Variants in MARCKS observed in about 807,000 individuals in gnomAD.
MARCKS encodes myristoylated alanine rich protein kinase C substrate, also known as myristoylated alanine-rich C-kinase substrate.
A neutral mutation model predicts 6.3 loss-of-function variants in MARCKS; 4 were observed. The ratio of observed to expected loss-of-function variants is 0.63; its 90% confidence interval spans 0.31 to 1.45. The LOEUF is 1.45. MARCKS is among the 40% of genes most tolerant of loss of function. MARCKS has a pLI of 0.07. For missense variants in MARCKS, 636 were observed against 485.7 expected (o/e 1.31, Z -2.91); for synonymous variants, 289 against 236.5 (o/e 1.22, Z -2.04).
chr6:113,859,586 C>T, intron 1 of MARCKS, 97 bp from the exon 2 acceptor site: 1 of 1,141,846 alleles, frequency 8.8e-7, no homozygotes, highest in Non-Finnish European at 1.2e-6. Context: ...CCACAGGGGC[C>T]TTAGGGGGAA....
chr6:113,859,756 A>G lies in MARCKS; in HGVS notation c.176A>G (p.Gln59Arg). 2.7e-6 allele frequency: 4 copies of G among 1,487,074 alleles called. No homozygotes were observed. The Admixed American group carries it at 9.6e-5, about 36-fold the overall frequency. 92.1% of individuals were successfully genotyped at this position (1,487,074 alleles called of 1,614,324 possible). Residue 59 changes from glutamine to arginine, a missense_variant, in exon 2 of 2, where the codon CAG (glutamine) becomes CGG (arginine). Physicochemically the swap from Gln to Arg is conservative, Grantham distance 43. Coordinates refer to ENST00000612661, the MANE Select transcript of MARCKS (RefSeq NM_002356.7). ...AAESGAKEELQANGSAPAADK... is the reference protein window; with the variant it reads ...AAESGAKEELRANGSAPAADK... ...GAGTCGGGCGCCAAGGAGGAGCTGC[A>G]GGCCAACGGCAGCGCCCCGGCCGCC...
Position 113,860,259 on chromosome 6 carries a change from G to A in MARCKS, c.679G>A (p.Glu227Lys). ...APGEEAAAGE[E>K]GAAGGDPQEA... Reference sequence around the variant, plus strand: ...GGGCGAGGAGGCGGCAGCGGGCGAGGAGGGGGCGGCGGGTGGCGACCCGCA... The same window carrying A: ...GGGCGAGGAGGCGGCAGCGGGCGAGAAGGGGGCGGCGGGTGGCGACCCGCA... Residue 227 changes from glutamate to lysine, a missense_variant, in exon 2 of 2, where the codon GAG becomes AAG. Coordinates refer to ENST00000612661, the MANE Select transcript of MARCKS (RefSeq NM_002356.7). 7.1e-6 allele frequency: 8 copies of A among 1,133,942 alleles called. No individual in the cohort carries two copies. The highest frequency in any genetic ancestry group is 6.8e-5 in the East Asian group (1 of 14,740). The allele number at this position is 1,133,942 out of a possible 1,614,324, so 70.2% of individuals were successfully genotyped here.
chr6:113,859,619 C>T, intron 1 of MARCKS, 64 bp from the exon 2 acceptor site: 2 of 1,376,894 alleles, frequency 1.5e-6, no homozygotes, highest in South Asian at 3.0e-5. Flanking sequence ...CGGTCCAGGG[C>T]TGGGGGCGGG....
At position 113,860,519 on chromosome 6, in the gene MARCKS, CT is replaced by C; in HGVS notation, c.940del (p.Ser314HisfsTer55). On this transcript the variant is annotated frameshift_variant, in exon 2 of 2. Coordinates refer to ENST00000612661, the MANE Select transcript of MARCKS (RefSeq NM_002356.7). LOFTEE classifies it high-confidence loss of function. ...AAASSACAAP[S>X]QEAQPECSPE... ...CAGCCTCGTCAGCCTGCGCAGCCCCCTCACAGGAGGCCCAGCCCGAGTGCAG... is the reference window on the plus strand; with the variant it reads ...CAGCCTCGTCAGCCTGCGCAGCCCCCCACAGGAGGCCCAGCCCGAGTGCAG... 1 of 1,551,970 alleles carries C rather than the reference CT, an allele frequency of 6.4e-7. No individual in the cohort carries two copies.
Position 113,860,112 on chromosome 6 carries a change from G to T in MARCKS, c.532G>T (p.Ala178Ser). ...CTCCTTCAAGAAGAACAAGAAGGAG[G>T]CTGGAGAAGGCGGTGAGGCTGAGGC... Reference protein sequence around the residue: ...GFSFKKNKKEAGEGGEAEAPA... With the variant: ...GFSFKKNKKESGEGGEAEAPA... Residue 178 changes from alanine (A) to serine (S), a missense_variant, in exon 2 of 2, where the codon GCT becomes TCT. Ala to Ser is a moderately conservative substitution (Grantham distance 99, BLOSUM62 1). Transcript: ENST00000612661. The T allele has an allele frequency of 1.3e-6, 2 of 1,552,722 alleles. No homozygotes were observed. Among genetic ancestry groups the T allele is most frequent in the South Asian group, 2.3e-5 (2 of 87,342 alleles).
At chr6:113,859,045 G>A (rs1244288745) in intron 1 of MARCKS, among the ~76,000 whole-genome samples, 1 of 152,020 alleles carries the variant, frequency 6.6e-6, no homozygotes, top group East Asian at 1.9e-4. Context: ...AGGGCGGGGT[G>A]GCCCGGCGAC....
chr6:113,860,452 C>A lies in MARCKS; in HGVS notation c.872C>A (p.Pro291Gln). The change falls in exon 2 of 2, where the codon CCG (proline) becomes CAG (glutamine). Residue 291 changes from proline (P) to glutamine (Q), a missense_variant. By Grantham distance (76) the Pro-to-Gln change is moderately conservative. Coordinates refer to ENST00000612661, the MANE Select transcript of MARCKS (RefSeq NM_002356.7). ...APSAAGPGAP[P>Q]EQEAAPAEEP... ...TCCGCCGCCGGGCCCGGCGCGCCCC[C>A]GGAGCAGGAGGCAGCCCCCGCGGAG... 7.8e-7 allele frequency: 1 copy of A among 1,287,534 alleles called. No individual in the cohort carries two copies. Among genetic ancestry groups the A allele is most frequent in the Non-Finnish European group, 1.0e-6 (1 of 1,004,262 alleles). The allele number at this position is 1,287,534 out of a possible 1,614,324, so 79.8% of individuals were successfully genotyped here.
chr6:113,863,285 C>T lies in MARCKS; in HGVS notation c.*2706C>T, dbSNP rs1014750498. 6.6e-6 allele frequency: 1 copy of T among 151,990 alleles called. No homozygotes were observed. The highest frequency in any genetic ancestry group is 1.5e-5 in the Non-Finnish European group (1 of 67,972). 9.4% of individuals were successfully genotyped at this position (151,990 alleles called of 1,614,324 possible). A position where few individuals can be genotyped will look rare whatever the true frequency, so the allele number is the denominator to read the frequency against. On this transcript the variant is annotated 3_prime_UTR_variant, in exon 2 of 2. Coordinates refer to ENST00000612661, the MANE Select transcript of MARCKS (RefSeq NM_002356.7). ...ATGTTAATATGGCTTTTTTGTATTA[C>T]TAAAAATAGCTTTGAGATTAAGGAA...
chr6:113,860,235 G>A lies in MARCKS; in HGVS notation c.655G>A (p.Gly219Ser). 2 of 1,076,586 alleles carry A rather than the reference G, an allele frequency of 1.9e-6. No individual in the cohort carries two copies. Among genetic ancestry groups the A allele is most frequent in the Non-Finnish European group, 1.1e-6 (1 of 884,578 alleles). 66.7% of individuals were successfully genotyped at this position (1,076,586 alleles called of 1,614,324 possible). Reference protein sequence around the residue: ...AASGEQAAAPGEEAAAGEEGA... With the variant: ...AASGEQAAAPSEEAAAGEEGA... ...CTCCGGGGAGCAGGCAGCGGCGCCG[G>A]GCGAGGAGGCGGCAGCGGGCGAGGA... Residue 219 changes from glycine to serine, a missense_variant, in exon 2 of 2, where the codon GGC becomes AGC. Physicochemically the swap from Gly to Ser is moderately conservative, Grantham distance 56. Transcript: ENST00000612661.
Position 113,860,467 on chromosome 6 carries a change from C to A in MARCKS, c.887C>A (p.Ala296Asp). 1.4e-6 allele frequency: 2 copies of A among 1,409,798 alleles called. No homozygotes were observed. Among genetic ancestry groups the A allele is most frequent in the Non-Finnish European group, 1.9e-6 (2 of 1,071,822 alleles). The allele number at this position is 1,409,798 out of a possible 1,614,324, so 87.3% of individuals were successfully genotyped here. The change falls in exon 2 of 2, where the codon GCC (alanine) becomes GAC (aspartate). Residue 296 changes from alanine (A) to aspartate (D), a missense_variant. Physicochemically the swap from Ala to Asp is moderately radical, Grantham distance 126 (BLOSUM62 -2). Coordinates refer to ENST00000612661, the MANE Select transcript of MARCKS (RefSeq NM_002356.7). The stretch of plus-strand genomic sequence containing the variant: ...GGCGCGCCCCCGGAGCAGGAGGCAG[C>A]CCCCGCGGAGGAGCCCGCGGCCGCC... ...GPGAPPEQEA[A>D]PAEEPAAAAA...
Position 113,860,844 on chromosome 6 carries a change from TTC to T in MARCKS, c.*269_*270del, listed in dbSNP as rs1304686050. The T allele has an allele frequency of 4.2e-6, 1 of 238,216 alleles. No individual in the cohort carries two copies. Among genetic ancestry groups the T allele is most frequent in the Admixed American group, 5.7e-5 (1 of 17,624 alleles). The allele number at this position is 238,216 out of a possible 1,614,324, so 14.8% of individuals were successfully genotyped here. On this transcript the variant is annotated 3_prime_UTR_variant, in exon 2 of 2. Coordinates refer to ENST00000612661, the MANE Select transcript of MARCKS (RefSeq NM_002356.7). ...TAAACACCTTCTTCCTCTGCCTTGT[TTC>T]TCTTTTATTTTTTATTTTTTCGCAT... is the stretch of plus-strand genomic sequence containing the variant.
rs1774801997 is a variant in MARCKS, at chr6:113,857,435, T to A, written c.-311T>A. ...TACAGTGCGGCTACAAATCTGGGAT[T>A]TTTTTATTACTTCTTTTTTTTTCGA... On this transcript the variant is annotated 5_prime_UTR_variant, in exon 1 of 2. Transcript: ENST00000612661. 3.2e-6 allele frequency: 1 copy of A among 317,332 alleles called. No individual in the cohort carries two copies. The highest frequency in any genetic ancestry group is 2.3e-5 in the African/African-American group (1 of 44,032). 19.7% of individuals were successfully genotyped at this position (317,332 alleles called of 1,614,324 possible).
In MARCKS at chr6:113,860,738, G is replaced by GTT. The variant is rs45449896; in HGVS notation, c.*170_*171dup. On this transcript the variant is annotated 3_prime_UTR_variant, in exon 2 of 2. Coordinates refer to ENST00000612661, the MANE Select transcript of MARCKS (RefSeq NM_002356.7). The stretch of plus-strand genomic sequence containing the variant: ...TTTTTTTTAAGCACCAAATTTTGTT[G>GTT]TTTTTTTTTTTTCTCCCCTCCCCAC... The GTT allele has an allele frequency of 4.5e-4, 151 of 335,968 alleles. No individual in the cohort carries two copies. Among genetic ancestry groups the GTT allele is most frequent in the South Asian group, 1.3e-3 (21 of 16,244 alleles). 20.8% of individuals were successfully genotyped at this position (335,968 alleles called of 1,614,324 possible). A position where few individuals can be genotyped will look rare whatever the true frequency, so the allele number is the denominator to read the frequency against.
At position 113,860,313 on chromosome 6, in the gene MARCKS, G is replaced by C; in HGVS notation, c.733G>C (p.Ala245Pro). 3 of 1,294,800 alleles carry C rather than the reference G, an allele frequency of 2.3e-6. No individual in the cohort carries two copies. Among genetic ancestry groups the C allele is most frequent in the East Asian group, 5.6e-5 (1 of 17,970 alleles). 80.2% of individuals were successfully genotyped at this position (1,294,800 alleles called of 1,614,324 possible). A position where few individuals can be genotyped will look rare whatever the true frequency, so the allele number is the denominator to read the frequency against. The change falls in exon 2 of 2, where the codon GCG becomes CCG. Residue 245 changes from alanine to proline, a missense_variant. Ala to Pro is a conservative substitution (Grantham distance 27, BLOSUM62 -1). Coordinates refer to ENST00000612661, the MANE Select transcript of MARCKS (RefSeq NM_002356.7). ...GGCCAAGCCCCAGGAGGCCGCTGTC[G>C]CGCCAGAGAAGCCGCCCGCCAGCGA... ...QEAKPQEAAVAPEKPPASDET... is the reference protein window; with the variant it reads ...QEAKPQEAAVPPEKPPASDET...
At position 113,859,695 on chromosome 6, in the gene MARCKS, G is replaced by A; in HGVS notation, c.115G>A (p.Val39Met). 1.3e-6 allele frequency: 2 copies of A among 1,504,994 alleles called. No homozygotes were observed. Among genetic ancestry groups the A allele is most frequent in the Non-Finnish European group, 1.8e-6 (2 of 1,127,586 alleles). 93.2% of individuals were successfully genotyped at this position (1,504,994 alleles called of 1,614,324 possible). A position where few individuals can be genotyped will look rare whatever the true frequency, so the allele number is the denominator to read the frequency against. ...SKANGQENGH[V>M]KVNGDASPAA... ...CTCTGCCCCTTAGGAGAATGGCCAC[G>A]TGAAGGTAAACGGCGACGCTTCGCC... is the stretch of plus-strand genomic sequence containing the variant. Residue 39 changes from valine to methionine, a missense_variant, in exon 2 of 2, where the codon GTG (valine) becomes ATG (methionine). By Grantham distance (21) the Val-to-Met change is conservative. Transcript: ENST00000612661.
rs571431418 is a variant in MARCKS, at chr6:113,863,447, A to G, written c.*2868A>G. On this transcript the variant is annotated 3_prime_UTR_variant, in exon 2 of 2. Coordinates refer to ENST00000612661, the MANE Select transcript of MARCKS (RefSeq NM_002356.7). ...TTGATCCAATTCCTATTGCTTGTAAAATAAAGTTTTACCAGTTGATATAAT... is the reference window on the plus strand; with the variant it reads ...TTGATCCAATTCCTATTGCTTGTAAGATAAAGTTTTACCAGTTGATATAAT... The G allele has an allele frequency of 1.3e-5, 2 of 152,286 alleles. No homozygotes were observed. Among genetic ancestry groups the G allele is most frequent in the Admixed American group, 1.3e-4 (2 of 15,300 alleles). 9.4% of individuals were successfully genotyped at this position (152,286 alleles called of 1,614,324 possible). A position where few individuals can be genotyped will look rare whatever the true frequency, so the allele number is the denominator to read the frequency against.
chr6:113,860,261 G>A lies in MARCKS; in HGVS notation c.681G>A (p.Glu227=), dbSNP rs189092612. The change falls in exon 2 of 2, where the codon GAG becomes GAA. Residue 227 remains glutamate (E), a synonymous_variant. Coordinates refer to ENST00000612661, the MANE Select transcript of MARCKS (RefSeq NM_002356.7). Reference sequence around the variant, plus strand: ...GCGAGGAGGCGGCAGCGGGCGAGGAGGGGGCGGCGGGTGGCGACCCGCAGG... The same window carrying A: ...GCGAGGAGGCGGCAGCGGGCGAGGAAGGGGCGGCGGGTGGCGACCCGCAGG... ...APGEEAAAGE[E]GAAGGDPQEA... The A allele has an allele frequency of 3.0e-4, 344 of 1,139,046 alleles. 2 individuals carry two copies. The African/African-American group carries it at 5.6e-3, about 18-fold the overall frequency. The allele number at this position is 1,139,046 out of a possible 1,614,324, so 70.6% of individuals were successfully genotyped here.
Position 113,860,246 on chromosome 6 carries a change from G to T in MARCKS, c.666G>T (p.Ala222=). The part of the protein sequence containing the change: ...GEQAAAPGEE[A]AAGEEGAAGG... ...AGGCAGCGGCGCCGGGCGAGGAGGC[G>T]GCAGCGGGCGAGGAGGGGGCGGCGG... Residue 222 remains alanine, a synonymous_variant, in exon 2 of 2, where the codon GCG becomes GCT. Coordinates refer to ENST00000612661, the MANE Select transcript of MARCKS (RefSeq NM_002356.7). 1.8e-6 allele frequency: 2 copies of T among 1,083,218 alleles called. No homozygotes were observed. Among genetic ancestry groups the T allele is most frequent in the Non-Finnish European group, 2.3e-6 (2 of 888,138 alleles). 67.1% of individuals were successfully genotyped at this position (1,083,218 alleles called of 1,614,324 possible). A position where few individuals can be genotyped will look rare whatever the true frequency, so the allele number is the denominator to read the frequency against.
intron 1 of MARCKS, 55 bp downstream of exon 1, chr6:113,857,902 C>A: frequency 2.1e-6 from 3 of 1,399,542 alleles, no homozygotes; most frequent in Non-Finnish European, 3.0e-6. Flanking sequence ...CTCCTTCCCT[C>A]CTGGTGGCTC....
Sources: gnomAD v4.1 joint callset for allele counts (sites outside exome capture counted in the v4.1 genomes callset) on GRCh38, gnomAD v4.1.1 for gene constraint, MANE v1.5 for transcripts, NCBI Gene and HGNC (gene_info 2026-07-23, HGNC 2026-07-21) for gene names.